DAPK2: variants seen among roughly 807,000 people sequenced by gnomAD.
The protein encoded by DAPK2 is death-associated protein kinase 2.
A neutral mutation model predicts 44.1 loss-of-function variants in DAPK2; 35 were observed. The observed-to-expected ratio is 0.79, with a 90% CI of 0.61 to 1.05. The LOEUF (loss-of-function observed/expected upper bound fraction) is 1.05, where lower values mean the gene tolerates loss of function less well. Ranked by LOEUF, DAPK2 falls within the 50% of genes least tolerant of loss-of-function variation. DAPK2 has a pLI of 0.00. For synonymous variants in DAPK2, 174 were observed against 182.6 expected (o/e 0.95, Z 0.38); for missense variants, 453 against 483.2 (o/e 0.94, Z 0.59).
At chr15:63,986,797 T>G (rs1418185269) in intron 1 of DAPK2, among the ~76,000 whole-genome samples, 1 of 152,196 alleles carries the variant, frequency 6.6e-6, no homozygotes, top group Non-Finnish European at 1.5e-5. Flanking sequence ...ATCTCCTGGG[T>G]CTGGGCCTGA....
intron 3 of DAPK2, among the ~76,000 whole-genome samples, chr15:63,942,933 G>A (rs2077349708): frequency 6.6e-6 from 1 of 152,076 alleles, no homozygotes. Flanking sequence ...CATCTCCCCA[G>A]AGGTTGGGAT....
At chr15:64,040,085 C>T (rs1053498139) in intron 1 of DAPK2, 85 bp downstream of exon 2, 2 of 1,097,032 alleles carry the variant, frequency 1.8e-6, no homozygotes, top group Non-Finnish European at 2.8e-6. Flanking sequence ...GTGGCCCTGC[C>T]TTCCAACACC....
intron 4 of DAPK2, chr15:63,935,428 T>G (rs1344502741): frequency 1.3e-5 from 2 of 152,170 alleles, no homozygotes; most frequent in Non-Finnish European, 2.9e-5. Flanking sequence ...CACACAATTA[T>G]GGGTTTACTT....
intron 4 of DAPK2, among the ~76,000 whole-genome samples, chr15:63,934,249 G>GTTTTTTTTTTT: frequency 1.6e-5 from 1 of 63,286 alleles, no homozygotes; most frequent in Non-Finnish European, 3.0e-5. Flanking sequence ...TTTTATCCTA[G>GTTTTTTTTTTT]TTTTTTTTTT....
chr15:63,932,934 G>A (rs1478607941), intron 4 of DAPK2, among the ~76,000 whole-genome samples: 1 of 152,118 alleles, frequency 6.6e-6, no homozygotes, highest in Non-Finnish European at 1.5e-5. Context: ...GTAATCCATC[G>A]TGTGAATGTG....
At position 64,046,163 on chromosome 15, in the gene DAPK2, T is replaced by C. The variant is rs1400960058; in HGVS notation, c.-7+135A>G. 3.5e-5 allele frequency: 9 copies of C among 258,772 alleles called. No individual in the cohort carries two copies. Among genetic ancestry groups the C allele is most frequent in the East Asian group, 1.8e-4 (1 of 5,586 alleles). The allele number at this position is 258,772 out of a possible 1,614,324, so 16.0% of individuals were successfully genotyped here. A position where few individuals can be genotyped will look rare whatever the true frequency, so the allele number is the denominator to read the frequency against. ...ATGCCCCGGGCCACGGCGTCAGGCA[T>C]TGGGGCGGCGGGCCCGGGATCTGCG... On this transcript the variant is annotated intron_variant, in intron 1 of 11. Coordinates refer to the DAPK2 transcript ENST00000457488. The surrounding 1 kb of genome is among the most constrained non-coding windows in gnomAD (Gnocchi z 5.3).
chr15:63,934,760 T>C (rs1428272039), intron 4 of DAPK2, among the ~76,000 whole-genome samples: 6 of 152,120 alleles, frequency 3.9e-5, no homozygotes, highest in African/African-American at 2.4e-5. Flanking sequence ...GGTTTCACCA[T>C]GTTGCCCAGG....
intron 1 of DAPK2, among the ~76,000 whole-genome samples, chr15:64,028,030 GTATCTATCTATC>G (rs777029949): frequency 2.1e-5 from 2 of 94,190 alleles, no homozygotes; most frequent in African/African-American, 6.6e-5. Context: ...TACATAAACT[GTATCTATCTATC>G]TATCTATCTA....
intron 1 of DAPK2, among the ~76,000 whole-genome samples, chr15:64,019,622 A>T (rs2079627886): frequency 6.6e-6 from 1 of 152,212 alleles, no homozygotes; most frequent in Non-Finnish European, 1.5e-5. Flanking sequence ...TGGCAATTTC[A>T]CTGTTTCTAG....
intron 1 of DAPK2, among the ~76,000 whole-genome samples, chr15:64,000,842 T>C (rs1325245357): frequency 3.3e-5 from 5 of 152,034 alleles, no homozygotes; most frequent in Admixed American, 2.0e-4. Flanking sequence ...CTCTGACTGC[T>C]TACTCCCCAA....
chr15:63,989,385 TA>T (rs2078755853), intron 1 of DAPK2, among the ~76,000 whole-genome samples: 3 of 151,090 alleles, frequency 2.0e-5, no homozygotes, highest in African/African-American at 7.3e-5. Context: ...AAAAAGCCAA[TA>T]AAAAAGAGAG....
At chr15:64,045,016 CAGA>C (rs756357598), upstream of DAPK2, among the ~76,000 whole-genome samples, 8 of 152,304 alleles carry the variant, frequency 5.3e-5, no homozygotes, top group East Asian at 9.6e-4. Flanking sequence ...CTGGGGCCCA[CAGA>C]AGGTCAGCCA....
intron 1 of DAPK2, among the ~76,000 whole-genome samples, chr15:64,032,274 G>A (rs2080037871): frequency 1.3e-5 from 2 of 152,282 alleles, no homozygotes; most frequent in Non-Finnish European, 2.9e-5. Context: ...GATGGGGCAG[G>A]GCATGGCAGG....
intron 3 of DAPK2, among the ~76,000 whole-genome samples, chr15:63,948,514 A>T (rs543210548): frequency 6.2e-4 from 94 of 152,122 alleles, no homozygotes; most frequent in African/African-American, 2.1e-3. Context: ...TGAGAACAGC[A>T]CCAAGGCACT....
In DAPK2 at chr15:64,000,686, T is replaced by C. The variant is rs74021220; in HGVS notation, c.93-16932A>G. Among the ~76,000 whole-genome samples the C allele has an allele frequency of 2.8e-3, 429 of 152,056 alleles. 3 individuals carry two copies. Among genetic ancestry groups the C allele is most frequent in the African/African-American group, 9.7e-3 (404 of 41,468 alleles). The stretch of plus-strand genomic sequence containing the variant: ...CTGGGGGTGGGGAGAACCATGGTAA[T>C]TAGGGGGAAGGCAGATCAAGATGGC... On this transcript the variant is annotated intron_variant, in intron 1 of 10. Transcript: ENST00000261891.
chr15:63,939,294 AG>A lies in DAPK2; in HGVS notation c.520del (p.Leu174TrpfsTer5), dbSNP rs868275663. ...AACTCCATCTTCTATTTCGTGAGCC[AG>A]ACCAAAGTCAATCAGCTTGATGTGT... On this transcript the variant is annotated frameshift_variant, in exon 4 of 11. Coordinates refer to ENST00000261891, the Ensembl canonical transcript of DAPK2. LOFTEE classifies it high-confidence loss of function. The surrounding 1 kb of genome is among the most constrained non-coding windows in gnomAD (Gnocchi z 4.3). 1.2e-6 allele frequency: 2 copies of A among 1,614,056 alleles called. No individual in the cohort carries two copies. The highest frequency in any genetic ancestry group is 1.3e-5 in the African/African-American group (1 of 74,906).
At chr15:63,941,958 C>T (rs543948233) in intron 3 of DAPK2, among the ~76,000 whole-genome samples, 1 of 152,334 alleles carries the variant, frequency 6.6e-6, no homozygotes, top group South Asian at 2.1e-4. Flanking sequence ...GCAGTTTCAC[C>T]CTCTTAGGAA....
At chr15:63,946,632 G>A (rs1427864870) in intron 3 of DAPK2, among the ~76,000 whole-genome samples, 1 of 152,154 alleles carries the variant, frequency 6.6e-6, no homozygotes, top group Non-Finnish European at 1.5e-5. Flanking sequence ...GGGCTGCAAG[G>A]GACCTCAGAG....
In DAPK2 at chr15:63,990,027, C is replaced by A. The variant is rs977631224; in HGVS notation, c.93-6273G>T. ...TTTAAATTCTCAAAAGGCAATATACCCCTTACGGCCTGCATCAAGGTAGAC... is the reference window on the plus strand; with the variant it reads ...TTTAAATTCTCAAAAGGCAATATACACCTTACGGCCTGCATCAAGGTAGAC... On this transcript the variant is annotated intron_variant, in intron 1 of 10. Coordinates refer to ENST00000261891, the Ensembl canonical transcript of DAPK2. The surrounding 1 kb of genome is among the most constrained non-coding windows in gnomAD (Gnocchi z 4.3). 3.9e-5 allele frequency among the ~76,000 whole-genome samples: 6 copies of A among 152,038 alleles called. No individual in the cohort carries two copies. The highest frequency in any genetic ancestry group is 9.7e-5 in the African/African-American group (4 of 41,388).
Sources: allele counts gnomAD v4.1 joint callset (sites outside exome capture counted in the v4.1 genomes callset), GRCh38; gene constraint gnomAD v4.1.1; non-coding constraint Gnocchi (gnomAD v3.1); transcripts MANE v1.5; gene names NCBI Gene and HGNC (gene_info 2026-07-23, HGNC 2026-07-21).